The following MAPK10 variants were observed in gnomAD, a reference collection of about 807,000 sequenced individuals.
The protein encoded by MAPK10 is JNK3 alpha protein kinase.
Under a neutral mutation model 59.3 loss-of-function variants are expected in MAPK10, and 25 were observed. The observed-to-expected ratio is 0.42, with a 90% CI of 0.31 to 0.59. MAPK10 has a LOEUF of 0.59. MAPK10 is among the 20% of genes least tolerant of loss of function. The pLI, the probability that MAPK10 is intolerant of heterozygous loss-of-function variation, is 0.15. For missense variants in MAPK10, 351 were observed against 568.9 expected (o/e 0.62, Z 3.90); for synonymous variants, 190 against 200.5 (o/e 0.95, Z 0.44).
intron 4 of MAPK10, among the ~76,000 whole-genome samples, chr4:86,118,689 T>G (rs977523155): frequency 6.6e-6 from 1 of 152,084 alleles, no homozygotes; most frequent in African/African-American, 2.4e-5. Context: ...AGATAACCTC[T>G]TACACAAATG....
chr4:86,070,022 G>C (rs954448426), intron 9 of MAPK10, among the ~76,000 whole-genome samples: 1 of 152,122 alleles, frequency 6.6e-6, no homozygotes, highest in African/African-American at 2.4e-5. Flanking sequence ...TTAGAATCTA[G>C]AGACACACTC....
chr4:86,359,907 G>A lies in MAPK10; in HGVS notation c.-371C>T. The A allele has an allele frequency of 1.0e-6, 1 of 985,594 alleles. No homozygotes were observed. The highest frequency in any genetic ancestry group is 1.2e-6 in the Non-Finnish European group (1 of 829,906). 61.1% of individuals were successfully genotyped at this position (985,594 alleles called of 1,614,324 possible). ...TAAAAATGAAAAAAGAAAAGAAAAA[G>A]GTAAGCATATAGCAAGCACCACCCA... On this transcript the variant is annotated 5_prime_UTR_variant, in exon 1 of 14. Coordinates refer to ENST00000641462, the MANE Select transcript of MAPK10 (RefSeq NM_138982.4).
chr4:86,417,788 T>C (rs1396263839), intron 1 of MAPK10, among the ~76,000 whole-genome samples: 1 of 152,254 alleles, frequency 6.6e-6, no homozygotes, highest in Non-Finnish European at 1.5e-5. Context: ...AGGGTCTTAC[T>C]GACCTTTCCC....
intron 2 of MAPK10, chr4:86,336,171 T>C (rs1205187025): frequency 6.6e-6 from 1 of 152,234 alleles, no homozygotes; most frequent in Admixed American, 6.5e-5. Flanking sequence ...GAAATTACTC[T>C]ATAAATTAAT....
intron 4 of MAPK10, among the ~76,000 whole-genome samples, chr4:86,143,257 C>A (rs1458750435): frequency 6.6e-6 from 1 of 152,164 alleles, no homozygotes; most frequent in Non-Finnish European, 1.5e-5. Context: ...CATCTGGTCC[C>A]ACCCTTGACA....
At chr4:86,473,062 C>G (rs1015802418) in intron 1 of MAPK10, among the ~76,000 whole-genome samples, 2 of 152,166 alleles carry the variant, frequency 1.3e-5, no homozygotes, top group Admixed American at 6.5e-5. Flanking sequence ...TGGACACTCT[C>G]CACTGTTAAC....
chr4:86,114,731 G>A (rs1016883949), intron 4 of MAPK10, among the ~76,000 whole-genome samples: 4 of 152,226 alleles, frequency 2.6e-5, no homozygotes, highest in African/African-American at 9.6e-5. Flanking sequence ...GCTGTGCTGG[G>A]GAGAATCCCC....
exon 1 of MAPK10, chr4:86,594,062 T>A (rs970337954): frequency 1.3e-5 from 2 of 152,294 alleles, no homozygotes; most frequent in African/African-American, 4.8e-5. Flanking sequence ...GTCACCAACC[T>A]GAGCCTCTGG....
intron 4 of MAPK10, among the ~76,000 whole-genome samples, chr4:86,145,905 A>C (rs73837424): frequency 0.049 from 7,451 of 152,188 alleles, 608 homozygotes; most frequent in African/African-American, 0.17. Context: ...TGAGGTTGCA[A>C]GCTATTAACA....
intron 3 of MAPK10, among the ~76,000 whole-genome samples, chr4:86,171,585 A>G (rs2074170686): frequency 6.6e-6 from 1 of 152,194 alleles, no homozygotes; most frequent in South Asian, 2.1e-4. Flanking sequence ...TTCAAGATGG[A>G]TTAAAGACTT....
chr4:86,089,527 T>G lies in MAPK10; in HGVS notation c.802+8997A>C, dbSNP rs1286774553. ...CTACCTAATGTAGAATAATATTACT[T>G]TGCAATTATAACTCAATGATTAATT... On this transcript the variant is annotated intron_variant, in intron 9 of 13. Coordinates refer to ENST00000641462, the MANE Select transcript of MAPK10 (RefSeq NM_138982.4). 15 of 369,632 alleles carry G rather than the reference T, an allele frequency of 4.1e-5. No homozygotes were observed. The Admixed American group carries it at 4.5e-4, about 11-fold the overall frequency. The allele number at this position is 369,632 out of a possible 1,614,324, so 22.9% of individuals were successfully genotyped here.
intron 11 of MAPK10, among the ~76,000 whole-genome samples, chr4:86,042,585 A>C (rs540303066): frequency 2.0e-5 from 3 of 152,198 alleles, no homozygotes; most frequent in Admixed American, 6.6e-5. Context: ...GTAAAAGTAT[A>C]GTTTTTTAAA....
At chr4:86,579,551 ACTTT>A (rs896881103) in intron 1 of MAPK10, among the ~76,000 whole-genome samples, 2 of 148,570 alleles carry the variant, frequency 1.3e-5, no homozygotes, top group Admixed American at 6.8e-5. Flanking sequence ...ACACACACAC[ACTTT>A]CTTATATTTC....
chr4:86,431,181 T>C (rs1163315828), intron 1 of MAPK10, among the ~76,000 whole-genome samples: 1 of 151,978 alleles, frequency 6.6e-6, no homozygotes, highest in Non-Finnish European at 1.5e-5. Flanking sequence ...TAAGAAAAAA[T>C]ATTTTACACT....
At chr4:86,188,018 TGTTA>T (rs2078706222) in intron 3 of MAPK10, among the ~76,000 whole-genome samples, 1 of 152,146 alleles carries the variant, frequency 6.6e-6, no homozygotes, top group African/African-American at 2.4e-5. Flanking sequence ...TTTCTGTTCC[TGTTA>T]GTTTGCTAAG....
At chr4:86,437,213 CAAAA>C (rs61312037) in intron 1 of MAPK10, among the ~76,000 whole-genome samples, 1 of 80,748 alleles carries the variant, frequency 1.2e-5, no homozygotes, top group Non-Finnish European at 2.6e-5. Context: ...GACTCTGTCT[CAAAA>C]AAAAAAAAAA....
At chr4:86,473,578 C>A (rs1223592170) in intron 1 of MAPK10, among the ~76,000 whole-genome samples, 1 of 152,288 alleles carries the variant, frequency 6.6e-6, no homozygotes, top group East Asian at 1.9e-4. Context: ...CACATAGAGG[C>A]CCAAACACTG....
chr4:86,245,836 A>T (rs2093049179), intron 2 of MAPK10, among the ~76,000 whole-genome samples: 1 of 152,206 alleles, frequency 6.6e-6, no homozygotes, highest in Non-Finnish European at 1.5e-5. Context: ...GTTTTCTGAT[A>T]TGCAAAATGA....
intron 1 of MAPK10, among the ~76,000 whole-genome samples, chr4:86,384,957 T>C (rs945809062): frequency 2.0e-5 from 3 of 152,120 alleles, no homozygotes; most frequent in Non-Finnish European, 4.4e-5. Flanking sequence ...TCTAAACAGA[T>C]ATGATGCATT....
Sources: gnomAD v4.1 joint callset for allele counts (sites outside exome capture counted in the v4.1 genomes callset) on GRCh38, gnomAD v4.1.1 for gene constraint, MANE v1.5 for transcripts, NCBI Gene and HGNC (gene_info 2026-07-23, HGNC 2026-07-21) for gene names.